Variants in PGBD5 observed in about 807,000 individuals in gnomAD.
PGBD5 encodes piggyBac transposable element derived 5, also known as piggyBac transposable element-derived protein 5.
A neutral mutation model predicts 47.9 loss-of-function variants in PGBD5; 14 were observed. That is an observed-to-expected ratio of 0.29 (90% CI 0.19 to 0.46). The LOEUF is 0.46. Among genes scored for constraint, PGBD5 ranks in the 20% least tolerant of loss-of-function variants. The probability of loss-of-function intolerance (pLI) is 1.00; values close to 1 mark genes in which losing one functional copy is unlikely to be tolerated. For synonymous variants in PGBD5, 316 were observed against 306.3 expected, an observed-to-expected ratio of 1.03 and a Z score of -0.33; for missense variants, 635 against 716.0, an observed-to-expected ratio of 0.89 and a Z score of 1.29.
At chr1:230,340,275 A>C (rs947039782) in intron 3 of PGBD5, among the ~76,000 whole-genome samples, 1 of 152,194 alleles carries the variant, frequency 6.6e-6, no homozygotes, top group Non-Finnish European at 1.5e-5. Context: ...TATAATGGTA[A>C]AAAAATTAAC....
At chr1:230,332,797 A>T in intron 5 of PGBD5, 47 bp downstream of exon 5, 1 of 1,609,058 alleles carries the variant, frequency 6.2e-7, no homozygotes, top group Non-Finnish European at 8.5e-7. Flanking sequence ...GCCAAGCTCA[A>T]CCAATCCCCG....
At chr1:230,416,547 G>A (rs1657516510) in intron 1 of PGBD5, among the ~76,000 whole-genome samples, 1 of 152,192 alleles carries the variant, frequency 6.6e-6, no homozygotes, top group African/African-American at 2.4e-5. Flanking sequence ...GGAAGGTAGT[G>A]ATTTTAGATG....
intron 3 of PGBD5, among the ~76,000 whole-genome samples, chr1:230,345,916 C>G (rs1459109258): frequency 6.6e-6 from 1 of 152,152 alleles, no homozygotes; most frequent in Admixed American, 6.5e-5. Flanking sequence ...GAGGCAGGGT[C>G]TCACTATGTT....
intron 1 of PGBD5, among the ~76,000 whole-genome samples, chr1:230,371,039 C>G (rs1667920404): frequency 6.6e-6 from 1 of 152,196 alleles, no homozygotes; most frequent in Admixed American, 6.5e-5. Flanking sequence ...CAGAGGGGCA[C>G]AGTCTGGTCC....
rs890172296 is a variant in PGBD5 at position 230,350,946 on chromosome 1, C to T, written c.894+12G>A. On this transcript the variant is annotated intron_variant, in intron 3 of 6. Transcript: ENST00000391860. ...CTTCACCGACCCTCCCCGGGCTCAG[C>T]CCAGGGCTCACCTGGATGATGAAGC... The T allele has an allele frequency of 6.2e-7, 1 of 1,613,196 alleles. No individual in the cohort carries two copies. The highest frequency in any genetic ancestry group is 8.5e-7 in the Non-Finnish European group (1 of 1,179,668).
At chr1:230,359,116 C>T (rs570035491) in intron 1 of PGBD5, among the ~76,000 whole-genome samples, 15 of 151,598 alleles carry the variant, frequency 9.9e-5, no homozygotes, top group Admixed American at 2.0e-4. Context: ...GGCTAGAGTG[C>T]ACTGGTGCAA....
intron 1 of PGBD5, among the ~76,000 whole-genome samples, chr1:230,398,364 C>T (rs1336726244): frequency 6.6e-6 from 1 of 151,656 alleles, no homozygotes; most frequent in African/African-American, 2.4e-5. Context: ...GTCTCCATGT[C>T]TTCGCATGGG....
intron 1 of PGBD5, among the ~76,000 whole-genome samples, chr1:230,397,193 T>C (rs892881669): frequency 3.9e-5 from 6 of 152,338 alleles, no homozygotes; most frequent in African/African-American, 1.4e-4. Context: ...TGTGGAGGAA[T>C]TCCTTCCCAC....
intron 1 of PGBD5, among the ~76,000 whole-genome samples, chr1:230,406,101 A>G (rs12143844): frequency 0.22 from 32,977 of 151,858 alleles, 4,056 homozygotes; most frequent in Admixed American, 0.38. Flanking sequence ...GAGGTCAGGA[A>G]ATCGAGACCA....
intron 3 of PGBD5, among the ~76,000 whole-genome samples, chr1:230,347,476 CTTTTTTTTTTTT>C (rs71733326): frequency 1.8e-5 from 2 of 113,454 alleles, no homozygotes; most frequent in Non-Finnish European, 3.6e-5. Context: ...ATTTTCTTTT[CTTTTTTTTTTTT>C]TTTTTTTTGA....
chr1:230,394,907 CCT>C (rs1169077036), intron 1 of PGBD5, among the ~76,000 whole-genome samples: 7 of 131,534 alleles, frequency 5.3e-5, no homozygotes, highest in Non-Finnish European at 8.2e-5. Context: ...TCCTCGAGCT[CCT>C]CTCTCACTCC....
At position 230,321,120 on chromosome 1, in the gene PGBD5, G is replaced by C. The variant is rs1198521417; in HGVS notation, c.*2305C>G. The stretch of plus-strand genomic sequence containing the variant: ...GAAAAGAGGGAAAACCACCAGGCCG[G>C]AAGGCAGGCCTGCTAGTGTCTTCAA... On this transcript the variant is annotated 3_prime_UTR_variant, in exon 7 of 7. Coordinates refer to ENST00000391860, the MANE Select transcript of PGBD5 (RefSeq NM_001258311.2). The C allele has an allele frequency of 6.6e-6, 1 of 152,224 alleles. No homozygotes were observed. Among genetic ancestry groups the C allele is most frequent in the African/African-American group, 2.4e-5 (1 of 41,462 alleles). 9.4% of individuals were successfully genotyped at this position (152,224 alleles called of 1,614,324 possible).
intron 1 of PGBD5, among the ~76,000 whole-genome samples, chr1:230,403,744 G>T (rs1657203209): frequency 6.6e-6 from 1 of 152,194 alleles, no homozygotes; most frequent in Admixed American, 6.5e-5. Flanking sequence ...ACCAGGGCAG[G>T]CCCACTAACC....
chr1:230,317,420 A>G lies in PGBD5; in HGVS notation c.*6005T>C, dbSNP rs959251617. On this transcript the variant is annotated 3_prime_UTR_variant, in exon 7 of 7. Transcript: ENST00000391860. ...GCTCCCAGGGCAATGCTGAGGACTCAGCAAAGGAACCATACAGGGAGACGT... is the reference window on the plus strand; with the variant it reads ...GCTCCCAGGGCAATGCTGAGGACTCGGCAAAGGAACCATACAGGGAGACGT... 6.6e-6 allele frequency: 1 copy of G among 152,246 alleles called. No individual in the cohort carries two copies. Among genetic ancestry groups the G allele is most frequent in the African/African-American group, 2.4e-5 (1 of 41,454 alleles). The allele number at this position is 152,246 out of a possible 1,614,324, so 9.4% of individuals were successfully genotyped here.
chr1:230,409,576 C>T lies in PGBD5; in HGVS notation c.331+16022G>A, dbSNP rs540493650. On this transcript the variant is annotated intron_variant, in intron 1 of 6. Transcript: ENST00000391860. ...ATGGATGAAGCTTGAAAACATTACA[C>T]TAACTGAAAGAAGCCAGTCACAAAA... Among the ~76,000 whole-genome samples, 3 of 152,266 alleles carry T rather than the reference C, an allele frequency of 2.0e-5. 1 individual carries two copies. Among genetic ancestry groups the T allele is most frequent in the African/African-American group, 7.2e-5 (3 of 41,548 alleles).
intron 1 of PGBD5, among the ~76,000 whole-genome samples, chr1:230,414,040 C>A (rs905408751): frequency 2.0e-5 from 3 of 152,178 alleles, no homozygotes; most frequent in Non-Finnish European, 4.4e-5. Flanking sequence ...GGTGAAGGAA[C>A]GCTGGCACAC....
chr1:230,403,445 A>G (rs1657192752), intron 1 of PGBD5, among the ~76,000 whole-genome samples: 1 of 152,182 alleles, frequency 6.6e-6, no homozygotes. Context: ...GGGTGCACTC[A>G]GTGTAGTTCC....
At chr1:230,391,432 T>C (rs556992018) in intron 1 of PGBD5, among the ~76,000 whole-genome samples, 3 of 152,362 alleles carry the variant, frequency 2.0e-5, no homozygotes, top group South Asian at 2.1e-4. Context: ...GTTTTACGGA[T>C]AGAGAATTTC....
chr1:230,391,163 G>A (rs371201308), intron 1 of PGBD5, among the ~76,000 whole-genome samples: 1 of 133,312 alleles, frequency 7.5e-6, no homozygotes, highest in African/African-American at 3.2e-5. Flanking sequence ...GTGGGGGGTG[G>A]GGCGGGAGGG....
Sources: allele counts gnomAD v4.1 joint callset (sites outside exome capture counted in the v4.1 genomes callset), GRCh38; gene constraint gnomAD v4.1.1; transcripts MANE v1.5; gene names NCBI Gene and HGNC (gene_info 2026-07-23, HGNC 2026-07-21).